The following AKAP13 variants were observed in gnomAD, a reference collection of about 807,000 sequenced individuals.
The protein encoded by AKAP13 is A-kinase anchor protein 13.
A neutral mutation model predicts 264.5 loss-of-function variants in AKAP13; 80 were observed. The ratio of observed to expected loss-of-function variants is 0.30; its 90% CI spans 0.25 to 0.36. The LOEUF is 0.36. Ranked by LOEUF, AKAP13 falls within the 10% of genes least tolerant of loss-of-function variation. The pLI is 1.00. For missense variants in AKAP13, 3,712 were observed against 3,435.2 expected, an observed-to-expected ratio of 1.08 and a Z score of -2.01; for synonymous variants, 1,380 against 1,250.2, an observed-to-expected ratio of 1.10 and a Z score of -2.19.
chr15:85,404,997 T>G (rs2071598300), intron 1 of AKAP13, among the ~76,000 whole-genome samples: 2 of 152,238 alleles, frequency 1.3e-5, no homozygotes, highest in Admixed American at 1.3e-4. Context: ...ATAAGCTATC[T>G]GGAATGCTGT....
At chr15:85,475,649 T>G (rs781553882) in intron 1 of AKAP13, among the ~76,000 whole-genome samples, 10 of 152,214 alleles carry the variant, frequency 6.6e-5, no homozygotes, top group Non-Finnish European at 1.2e-4. Flanking sequence ...TCTGGCAGAT[T>G]AAGCAAATTG....
rs911217630 is a variant in AKAP13 at position 85,555,473 on chromosome 15, G to A, written c.662+11518G>A. ...AAGAGGATGGGCTTGCGATATTCGG[G>A]GTGCTTGGGCAGCCATGTGTGAGTA... is the stretch of plus-strand genomic sequence containing the variant. On this transcript the variant is annotated intron_variant, in intron 5 of 36. Transcript: ENST00000394518. The A allele has an allele frequency of 4.7e-6, 6 of 1,288,124 alleles. No homozygotes were observed. In the African/African-American group the frequency reaches 7.6e-5, roughly 16 times the overall value. 79.8% of individuals were successfully genotyped at this position (1,288,124 alleles called of 1,614,324 possible).
chr15:85,631,502 T>TCTCTCTCA (rs1372440393), intron 8 of AKAP13, among the ~76,000 whole-genome samples: 59 of 141,054 alleles, frequency 4.2e-4, no homozygotes, highest in African/African-American at 1.3e-3. Context: ...TCTCTCTCTC[T>TCTCTCTCA]CACACACACA....
At chr15:85,475,695 A>G (rs1013146185) in intron 1 of AKAP13, among the ~76,000 whole-genome samples, 2 of 152,218 alleles carry the variant, frequency 1.3e-5, no homozygotes, top group Admixed American at 6.5e-5. Context: ...AGCAGAATTC[A>G]TGCTGCCTTT....
intron 4 of AKAP13, chr15:85,535,558 C>G (rs1470084420): frequency 2.0e-5 from 3 of 152,116 alleles, no homozygotes; most frequent in African/African-American, 4.8e-5. Context: ...GCCTTAATAC[C>G]TCTAGCTCCT....
At chr15:85,626,230 A>C (rs2081405963) in intron 8 of AKAP13, among the ~76,000 whole-genome samples, 1 of 152,198 alleles carries the variant, frequency 6.6e-6, no homozygotes, top group Non-Finnish European at 1.5e-5. Context: ...ACTGCTGCTC[A>C]TTCATTTCTT....
chr15:85,417,083 C>T (rs1256854411), intron 1 of AKAP13, among the ~76,000 whole-genome samples: 1 of 152,106 alleles, frequency 6.6e-6, no homozygotes, highest in Non-Finnish European at 1.5e-5. Context: ...TGATTTTTTG[C>T]ATTGTTTCCC....
At chr15:85,438,499 T>A (rs1287137255) in intron 1 of AKAP13, among the ~76,000 whole-genome samples, 1 of 148,850 alleles carries the variant, frequency 6.7e-6, no homozygotes, top group African/African-American at 2.5e-5. Flanking sequence ...AAAAAGAGCC[T>A]GCATCGCCAA....
intron 3 of AKAP13, among the ~76,000 whole-genome samples, chr15:85,525,268 C>T (rs187448176): frequency 1.3e-5 from 2 of 152,164 alleles, no homozygotes; most frequent in Admixed American, 1.3e-4. Context: ...CCGTGTTAGC[C>T]AGGATGGTCT....
intron 7 of AKAP13, among the ~76,000 whole-genome samples, chr15:85,584,257 A>AG (rs1330127444): frequency 2.6e-5 from 4 of 152,236 alleles, no homozygotes; most frequent in Non-Finnish European, 5.9e-5. Flanking sequence ...CATTGACCAC[A>AG]GTGCTTAGGA....
chr15:85,639,698 G>T (rs1055016330), intron 9 of AKAP13, among the ~76,000 whole-genome samples: 5 of 152,214 alleles, frequency 3.3e-5, no homozygotes, highest in Admixed American at 1.3e-4. Context: ...CATCTGTGCT[G>T]TGCATATACA....
intron 17 of AKAP13, among the ~76,000 whole-genome samples, chr15:85,696,094 G>C (rs899689436): frequency 2.0e-5 from 3 of 152,152 alleles, no homozygotes; most frequent in Non-Finnish European, 2.9e-5. Context: ...TACTTTCCAA[G>C]AGCTCATTCT....
At chr15:85,492,887 T>C (rs2075770082) in intron 2 of AKAP13, among the ~76,000 whole-genome samples, 1 of 152,246 alleles carries the variant, frequency 6.6e-6, no homozygotes, top group South Asian at 2.1e-4. Context: ...AGTGTTAACT[T>C]TGATACCTTA....
At chr15:85,691,282 C>T (rs1179291083) in intron 16 of AKAP13, among the ~76,000 whole-genome samples, 1 of 152,150 alleles carries the variant, frequency 6.6e-6, no homozygotes, top group Admixed American at 6.5e-5. Flanking sequence ...GAAATTATTT[C>T]ATTGATACTG....
chr15:85,562,574 A>AAAAAATATATAT (rs1351834745), intron 5 of AKAP13, among the ~76,000 whole-genome samples: 2 of 77,686 alleles, frequency 2.6e-5, no homozygotes, highest in African/African-American at 8.0e-5. Flanking sequence ...CAAAAAAAAA[A>AAAAAATATATAT]ATATATATAT....
At chr15:85,707,835 C>G (rs761903317) in intron 17 of AKAP13, among the ~76,000 whole-genome samples, 184 bp from the exon 18 acceptor site, 1 of 152,048 alleles carries the variant, frequency 6.6e-6, no homozygotes, top group Non-Finnish European at 1.5e-5. Flanking sequence ...CGTGTTTTTC[C>G]TCCTCCAAAT....
intron 9 of AKAP13, among the ~76,000 whole-genome samples, chr15:85,640,407 C>T (rs764420154): frequency 1.3e-5 from 2 of 152,170 alleles, no homozygotes; most frequent in Non-Finnish European, 2.9e-5. Flanking sequence ...TGTAGATACC[C>T]TCCAGTAGTA....
chr15:85,527,691 TAC>T (rs1379736603), intron 3 of AKAP13, among the ~76,000 whole-genome samples: 3 of 152,234 alleles, frequency 2.0e-5, no homozygotes, highest in Non-Finnish European at 2.9e-5. Flanking sequence ...AGAGACATTT[TAC>T]ACATATACCA....
In AKAP13 at chr15:85,659,653, G is replaced by C. The variant is rs1287893342; in HGVS notation, c.4799+1063G>C. ...GGTCTTTATTAAAGCTCTTCAATAT[G>C]AGCTTATTAAAAACATGCACTTGAT... On this transcript the variant is annotated intron_variant, in intron 12 of 36. Coordinates refer to ENST00000394518, the MANE Select transcript of AKAP13 (RefSeq NM_007200.5). Among the ~76,000 whole-genome samples, 3 of 152,146 alleles carry C rather than the reference G, an allele frequency of 2.0e-5. No individual in the cohort carries two copies. In the East Asian group the frequency reaches 5.8e-4, roughly 29 times the overall value.
Sources: allele counts gnomAD v4.1 joint callset (sites outside exome capture counted in the v4.1 genomes callset), GRCh38; gene constraint gnomAD v4.1.1; transcripts MANE v1.5; gene names NCBI Gene and HGNC (gene_info 2026-07-23, HGNC 2026-07-21).